DNAH2: variants seen among roughly 807,000 people sequenced by gnomAD.
DNAH2 encodes axonemal beta dynein heavy chain 2.
DNAH2 carries 323 observed loss-of-function variants against 523.5 expected under a neutral mutation model. The ratio of observed to expected loss-of-function variants is 0.62; its 90% CI spans 0.56 to 0.68. The LOEUF (loss-of-function observed/expected upper bound fraction) is 0.68. Ranked by LOEUF, DNAH2 falls within the 30% of genes least tolerant of loss-of-function variation. The pLI, the probability that DNAH2 is intolerant of heterozygous loss-of-function variation, is 0.00. For missense variants in DNAH2, 4,907 were observed against 5,701.5 expected, an observed-to-expected ratio of 0.86 and a Z score of 4.49; for synonymous variants, 2,093 against 2,177.4, an observed-to-expected ratio of 0.96 and a Z score of 1.08.
intron 56 of DNAH2, among the ~76,000 whole-genome samples, 189 bp downstream of exon 56, chr17:7,799,431 C>G (rs1488725565): frequency 1.3e-5 from 2 of 152,162 alleles, no homozygotes. Context: ...GTCGTCCATC[C>G]TTTTTTGGCA....
intron 27 of DNAH2, 43 bp from the exon 28 acceptor site, chr17:7,771,287 T>A (rs182840156): frequency 6.2e-7 from 1 of 1,612,136 alleles, no homozygotes. Context: ...GGGTGGAGAG[T>A]GTGTAAGAAG....
rs117289605 is a variant in DNAH2, at chr17:7,812,999, A to G, written c.9730-3572A>G. ...GGATACACCAGGCAACAGCAGTAAG[A>G]CTACTTGTATATGTATAGAATACCT... On this transcript the variant is annotated intron_variant, in intron 63 of 85. Coordinates refer to ENST00000572933, the MANE Select transcript of DNAH2 (RefSeq NM_020877.5). 2.3e-3 allele frequency among the ~76,000 whole-genome samples: 354 copies of G among 151,498 alleles called. 1 individual carries two copies. The East Asian group carries it at 0.037, about 16-fold the overall frequency.
chr17:7,788,574 TAA>T (rs1277587578), intron 44 of DNAH2, among the ~76,000 whole-genome samples: 1 of 152,202 alleles, frequency 6.6e-6, no homozygotes, highest in Non-Finnish European at 1.5e-5. Flanking sequence ...CTTCAAAATA[TAA>T]GTTTTGGCGT....
Position 7,823,602 on chromosome 17 carries a change from C to T in DNAH2, c.11303C>T (p.Ala3768Val). 1 of 1,614,146 alleles carries T rather than the reference C, an allele frequency of 6.2e-7. No homozygotes were observed. Among genetic ancestry groups the T allele is most frequent in the Non-Finnish European group, 8.5e-7 (1 of 1,180,010 alleles). ...PRDWHLWYTN[A>V]APEKAMLPGE... Reference sequence around the variant, plus strand: ...GACTGGCACCTGTGGTATACCAATGCTGCCCCGGAGAAGGCGATGCTGCCA... The same window carrying T: ...GACTGGCACCTGTGGTATACCAATGTTGCCCCGGAGAAGGCGATGCTGCCA... The change falls in exon 74 of 86, where the codon GCT (alanine) becomes GTT (valine). Residue 3768 changes from alanine to valine, a missense_variant. By Grantham distance (64) the Ala-to-Val change is moderately conservative. Transcript: ENST00000572933.
chr17:7,809,072 A>G (rs935305215), intron 63 of DNAH2, among the ~76,000 whole-genome samples: 3 of 152,278 alleles, frequency 2.0e-5, no homozygotes, highest in South Asian at 2.1e-4. Flanking sequence ...ACTGTTTCCA[A>G]TCTTTGGATC....
In DNAH2 at chr17:7,830,452, C is replaced by A. The variant is rs2078138537; in HGVS notation, c.12006C>A (p.Gly4002=). ...AACGCAAAAAGTTCCTGCAGCTTGG[C>A]TGGAACATCATCTATGGCTTCAATG... ...LLERKKFLQL[G]WNIIYGFNDS... is the part of the protein sequence containing the mutation. Residue 4002 remains glycine, a synonymous_variant, in exon 78 of 86, where the codon GGC becomes GGA. Coordinates refer to ENST00000572933, the MANE Select transcript of DNAH2 (RefSeq NM_020877.5). The A allele has an allele frequency of 5.0e-6, 8 of 1,614,204 alleles. No individual in the cohort carries two copies. The highest frequency in any genetic ancestry group is 6.8e-6 in the Non-Finnish European group (8 of 1,180,044).
rs1055127605 is a variant in DNAH2, at chr17:7,775,820, C to T, written c.4822-204C>T. 2.6e-5 allele frequency among the ~76,000 whole-genome samples: 4 copies of T among 152,124 alleles called. No homozygotes were observed. The South Asian group carries it at 8.3e-4, about 32-fold the overall frequency. ...CCATTCCTGACAATGACCATCTCTG[C>T]TCTGAACCGAAATTTCCTTCTGAAA... On this transcript the variant is annotated intron_variant, in intron 30 of 85. Transcript: ENST00000572933.
At chr17:7,729,431 G>A (rs913783904) in intron 4 of DNAH2, among the ~76,000 whole-genome samples, 1 of 151,580 alleles carries the variant, frequency 6.6e-6, no homozygotes, top group African/African-American at 2.4e-5. Context: ...GCCTAGGTTT[G>A]TTTGTTTGTT....
Position 7,727,064 on chromosome 17 carries a change from G to A in DNAH2, c.229-58G>A, listed in dbSNP as rs1482356645. On this transcript the variant is annotated intron_variant, in intron 3 of 85. Coordinates refer to ENST00000572933, the MANE Select transcript of DNAH2 (RefSeq NM_020877.5). Reference sequence around the variant, plus strand: ...TGTCCTCACTTGTGATTGTGGATGGGAGGAATGACTCATCCTGGCAGTTGT... The same window carrying A: ...TGTCCTCACTTGTGATTGTGGATGGAAGGAATGACTCATCCTGGCAGTTGT... 3.4e-6 allele frequency: 5 copies of A among 1,477,278 alleles called. No homozygotes were observed. The African/African-American group carries it at 7.2e-5, about 21-fold the overall frequency. 91.5% of individuals were successfully genotyped at this position (1,477,278 alleles called of 1,614,324 possible).
At chr17:7,822,555 C>G (rs2077887137) in intron 73 of DNAH2, among the ~76,000 whole-genome samples, 1 of 152,132 alleles carries the variant, frequency 6.6e-6, no homozygotes, top group East Asian at 1.9e-4. Flanking sequence ...CTCTCAGTCT[C>G]CCTTACCCTC....
At position 7,743,114 on chromosome 17, in the gene DNAH2, G is replaced by A. The variant is rs768315871; in HGVS notation, c.1876G>A (p.Ala626Thr). Reference sequence around the variant, plus strand: ...ATTGCTGCGAATCAGCCAGGAGAAGGCGGGCATGCTGGATGTCAACTTTGA... The same window carrying A: ...ATTGCTGCGAATCAGCCAGGAGAAGACGGGCATGCTGGATGTCAACTTTGA... ...TPLLRISQEK[A>T]GMLDVNFDKS... The change falls in exon 12 of 86, where the codon GCG becomes ACG. Residue 626 changes from alanine to threonine, a missense_variant. Transcript: ENST00000572933. 6.3e-7 allele frequency: 1 copy of A among 1,578,080 alleles called. No homozygotes were observed. Among genetic ancestry groups the A allele is most frequent in the Admixed American group, 1.9e-5 (1 of 51,878 alleles).
Position 7,770,876 on chromosome 17 carries a change from C to G in DNAH2, c.4305C>G (p.Leu1435=). ...ACCACTGGGAACGCTGCCTCTCCCT[C>G]ATTTTGGAGGTTATTGAGATGATTC... ...DVDHWERCLS[L]ILEVIEMILT... Residue 1435 remains leucine (L), a synonymous_variant, in exon 27 of 86, where the codon CTC becomes CTG. Transcript: ENST00000572933. The G allele has an allele frequency of 1.9e-6, 3 of 1,614,188 alleles. No individual in the cohort carries two copies. The highest frequency in any genetic ancestry group is 2.5e-6 in the Non-Finnish European group (3 of 1,180,028).
chr17:7,723,325 G>A (rs1386296850), intron 2 of DNAH2, among the ~76,000 whole-genome samples: 12 of 142,038 alleles, frequency 8.4e-5, no homozygotes, highest in Non-Finnish European at 1.4e-4. Flanking sequence ...CAGGCTGGAG[G>A]GCAGTGGCAC....
chr17:7,816,520 A>C lies in DNAH2; in HGVS notation c.9730-51A>C. 4 of 1,603,604 alleles carry C rather than the reference A, an allele frequency of 2.5e-6. No homozygotes were observed. The East Asian group carries it at 8.9e-5, about 36-fold the overall frequency. The stretch of plus-strand genomic sequence containing the variant: ...GCAGAGTCATGATGTGAACAAGAAC[A>C]ATCTGGCTGCGAGCCCTGTGTTTGA... On this transcript the variant is annotated intron_variant, in intron 63 of 85. Transcript: ENST00000572933.
chr17:7,830,608 T>A, intron 78 of DNAH2, 50 bp from the exon 79 acceptor site: 1 of 1,610,504 alleles, frequency 6.2e-7, no homozygotes, highest in Non-Finnish European at 8.5e-7. Context: ...CATTGGCAGA[T>A]TTCCTGCCAT....
At chr17:7,789,780 G>C (rs992708106) in intron 44 of DNAH2, among the ~76,000 whole-genome samples, 3 of 152,050 alleles carry the variant, frequency 2.0e-5, no homozygotes, top group African/African-American at 7.2e-5. Context: ...GTTTCACCTT[G>C]TTGGTCAAGC....
chr17:7,820,780 C>A (rs2077829127), intron 72 of DNAH2, among the ~76,000 whole-genome samples: 1 of 152,166 alleles, frequency 6.6e-6, no homozygotes, highest in South Asian at 2.1e-4. Context: ...TGGCTCACAC[C>A]TGTAATCCCA....
intron 4 of DNAH2, among the ~76,000 whole-genome samples, chr17:7,727,680 T>C (rs975345542): frequency 4.3e-5 from 6 of 138,076 alleles, no homozygotes; most frequent in African/African-American, 1.7e-4. Context: ...CGCTTGAACC[T>C]GGGAGGCGGA....
intron 11 of DNAH2, among the ~76,000 whole-genome samples, chr17:7,742,203 G>T (rs1164150371): frequency 6.6e-6 from 1 of 152,046 alleles, no homozygotes; most frequent in Admixed American, 6.6e-5. Context: ...GCCAAGGTGG[G>T]TGGATCATTT....
Sources: gnomAD v4.1 joint callset for allele counts (sites outside exome capture counted in the v4.1 genomes callset) on GRCh38, gnomAD v4.1.1 for gene constraint, MANE v1.5 for transcripts, NCBI Gene and HGNC (gene_info 2026-07-23, HGNC 2026-07-21) for gene names.